STK33: variants seen among roughly 807,000 people sequenced by gnomAD.
STK33 encodes serine/threonine-protein kinase 33.
STK33 carries 52 observed loss-of-function variants against 58.0 expected under a neutral mutation model. That is an observed-to-expected ratio of 0.90 (90% CI 0.72 to 1.13). STK33 has a LOEUF of 1.13. STK33 is among the 50% of genes most tolerant of loss of function. The probability of loss-of-function intolerance (pLI) is 0.00; values close to 1 mark genes in which losing one functional copy is unlikely to be tolerated. For synonymous variants in STK33, 215 were observed against 200.1 expected (o/e 1.07, Z -0.63); for missense variants, 630 against 604.2 (o/e 1.04, Z -0.45).
chr11:8,587,633 G>A (rs12287276), intron 1 of STK33, among the ~76,000 whole-genome samples: 1,758 of 150,586 alleles, frequency 0.012, 21 homozygotes, highest in African/African-American at 0.039. Context: ...TTCCCTTGAA[G>A]ATCATCATCT....
At chr11:8,540,647 A>G (rs1219348356) in intron 1 of STK33, among the ~76,000 whole-genome samples, 1 of 152,168 alleles carries the variant, frequency 6.6e-6, no homozygotes, top group Non-Finnish European at 1.5e-5. Context: ...ACAGAAAGAA[A>G]AACATCACAG....
intron 1 of STK33, among the ~76,000 whole-genome samples, chr11:8,581,811 C>T (rs562923445): frequency 6.6e-6 from 1 of 152,328 alleles, no homozygotes; most frequent in East Asian, 1.9e-4. Flanking sequence ...TAGCGGTTTG[C>T]ATTTAATGCT....
At chr11:8,478,080 T>A (rs866589252) in intron 2 of STK33, among the ~76,000 whole-genome samples, 19 of 152,322 alleles carry the variant, frequency 1.2e-4, no homozygotes, top group African/African-American at 4.1e-4. Context: ...AAAACCAAGA[T>A]AGAACAAATG....
At chr11:8,394,779 A>G (rs1383982893) in intron 15 of STK33, among the ~76,000 whole-genome samples, 1 of 152,196 alleles carries the variant, frequency 6.6e-6, no homozygotes, top group Non-Finnish European at 1.5e-5. Context: ...AAAACTAAAC[A>G]ATGTTTAGTT....
chr11:8,487,433 A>AG (rs1950266016), intron 1 of STK33, among the ~76,000 whole-genome samples: 1 of 151,592 alleles, frequency 6.6e-6, no homozygotes, highest in Non-Finnish European at 1.5e-5. Flanking sequence ...AAAAAAAAAA[A>AG]AAAAAAAAAG....
At chr11:8,590,513 C>G (rs1369461379) in intron 1 of STK33, among the ~76,000 whole-genome samples, 1 of 152,066 alleles carries the variant, frequency 6.6e-6, no homozygotes, top group African/African-American at 2.4e-5. Context: ...TAAACCACAT[C>G]CTTACTGAAC....
intron 1 of STK33, among the ~76,000 whole-genome samples, chr11:8,564,012 GT>G (rs1957286746): frequency 6.6e-6 from 1 of 152,150 alleles, no homozygotes; most frequent in African/African-American, 2.4e-5. Flanking sequence ...GCCTCATAAG[GT>G]ATGTTAAAGA....
intron 1 of STK33, chr11:8,593,834 G>A (rs1173959779): frequency 6.6e-6 from 1 of 152,390 alleles, no homozygotes; most frequent in South Asian, 2.1e-4. Flanking sequence ...GGGGCAGACA[G>A]AGACCACCCC....
intron 1 of STK33, among the ~76,000 whole-genome samples, chr11:8,543,133 T>C (rs1471149041): frequency 6.6e-6 from 1 of 152,202 alleles, no homozygotes; most frequent in Non-Finnish European, 1.5e-5. Flanking sequence ...GTGACAAATA[T>C]GACCAAAGAG....
chr11:8,576,004 T>C (rs371385254), intron 1 of STK33, among the ~76,000 whole-genome samples: 18 of 152,114 alleles, frequency 1.2e-4, no homozygotes, highest in African/African-American at 4.3e-4. Flanking sequence ...GAGGGAGATA[T>C]TAAGAAGACT....
chr11:8,371,219 T>C, the STK33 span, among the ~76,000 whole-genome samples: 2 of 151,938 alleles, frequency 1.3e-5, no homozygotes, highest in African/African-American at 4.8e-5. Context: ...CAAGATGAAA[T>C]CATCCTAGAT....
chr11:8,550,296 A>G (rs1248684254), intron 1 of STK33, among the ~76,000 whole-genome samples: 3 of 152,050 alleles, frequency 2.0e-5, no homozygotes, highest in Admixed American at 1.3e-4. Flanking sequence ...TTTTAGTCTC[A>G]AATTCATTCA....
chr11:8,408,390 T>C (rs796254122), intron 15 of STK33, among the ~76,000 whole-genome samples: 9 of 152,290 alleles, frequency 5.9e-5, no homozygotes, highest in African/African-American at 1.9e-4. Flanking sequence ...GATTCACTAA[T>C]ACATCTTTGC....
At chr11:8,429,888 C>T (rs1387776226) in intron 14 of STK33, among the ~76,000 whole-genome samples, 2 of 152,182 alleles carry the variant, frequency 1.3e-5, no homozygotes, top group African/African-American at 4.8e-5. Flanking sequence ...TAGGGCTCTT[C>T]CTAGATTCAA....
intron 15 of STK33, among the ~76,000 whole-genome samples, chr11:8,401,298 C>T (rs1000989806): frequency 2.0e-5 from 3 of 152,146 alleles, no homozygotes; most frequent in African/African-American, 7.2e-5. Flanking sequence ...AGAACAGAGC[C>T]CTCAGAAATA....
Position 8,581,785 on chromosome 11 carries a change from G to A in STK33, c.-466+12298C>T, listed in dbSNP as rs145749505. Reference sequence around the variant, plus strand: ...CACTAAATCTTCTTTCACGGAACGTGTATTTTTTGAACTCTTAGCGGTTTG... The same window carrying A: ...CACTAAATCTTCTTTCACGGAACGTATATTTTTTGAACTCTTAGCGGTTTG... On this transcript the variant is annotated intron_variant, in intron 1 of 15. Coordinates refer to ENST00000687296, the MANE Select transcript of STK33 (RefSeq NM_001352389.2). 7.2e-5 allele frequency among the ~76,000 whole-genome samples: 11 copies of A among 152,344 alleles called. No individual in the cohort carries two copies. The East Asian group carries it at 1.7e-3, about 24-fold the overall frequency.
intron 1 of STK33, among the ~76,000 whole-genome samples, chr11:8,494,684 G>A (rs1301315158): frequency 6.6e-6 from 1 of 152,122 alleles, no homozygotes; most frequent in Non-Finnish European, 1.5e-5. Flanking sequence ...CACACTACCT[G>A]ACTTCAAACT....
At chr11:8,554,501 A>G (rs1956591141) in intron 1 of STK33, among the ~76,000 whole-genome samples, 2 of 152,100 alleles carry the variant, frequency 1.3e-5, no homozygotes, top group South Asian at 4.1e-4. Context: ...GTTCATGAAA[A>G]CAATGTTCAA....
intron 1 of STK33, among the ~76,000 whole-genome samples, chr11:8,583,509 T>C (rs538721872): frequency 6.6e-6 from 1 of 152,156 alleles, no homozygotes; most frequent in East Asian, 1.9e-4. Context: ...AAAATATAAA[T>C]CAATGCTATC....
Sources: gnomAD v4.1 joint callset for allele counts (sites outside exome capture counted in the v4.1 genomes callset) on GRCh38, gnomAD v4.1.1 for gene constraint, MANE v1.5 for transcripts, NCBI Gene and HGNC (gene_info 2026-07-23, HGNC 2026-07-21) for gene names.